The following SDK1 variants were observed in gnomAD, a reference collection of about 807,000 sequenced individuals.
SDK1 encodes the protein protein sidekick-1.
Under a neutral mutation model 245.5 loss-of-function variants are expected in SDK1, and 157 were observed. The ratio of observed to expected loss-of-function variants is 0.64; its 90% confidence interval spans 0.56 to 0.73. The LOEUF (loss-of-function observed/expected upper bound fraction) is 0.73. Ranked by LOEUF, SDK1 falls within the 30% of genes least tolerant of loss-of-function variation. The probability of loss-of-function intolerance (pLI) is 0.00; values close to 1 mark genes in which losing one functional copy is unlikely to be tolerated. For synonymous variants in SDK1, 1,647 were observed against 1,278.5 expected (o/e 1.29, Z -6.15); for missense variants, 3,583 against 3,002.3 (o/e 1.19, Z -4.52).
At chr7:3,889,536 C>G (rs1437690046) in intron 5 of SDK1, among the ~76,000 whole-genome samples, 2 of 151,762 alleles carry the variant, frequency 1.3e-5, no homozygotes. Context: ...GGGATGGTGT[C>G]TTGCTCTGCC....
At chr7:4,154,310 T>A (rs887282834) in intron 30 of SDK1, among the ~76,000 whole-genome samples, 3 of 152,232 alleles carry the variant, frequency 2.0e-5, no homozygotes, top group African/African-American at 7.2e-5. Flanking sequence ...AGAGTTCTGA[T>A]AGCAAGTTCA....
intron 1 of SDK1, among the ~76,000 whole-genome samples, chr7:3,545,196 T>C (rs770798289): frequency 2.0e-5 from 3 of 152,062 alleles, no homozygotes; most frequent in Non-Finnish European, 2.9e-5. Flanking sequence ...CTCATTTCCA[T>C]ACTGTGCCCA....
chr7:3,470,784 G>A (rs1355139223), intron 1 of SDK1, among the ~76,000 whole-genome samples: 2 of 152,076 alleles, frequency 1.3e-5, no homozygotes, highest in Non-Finnish European at 2.9e-5. Flanking sequence ...TGAGAGAATG[G>A]CTTAGGCTTA....
At chr7:3,884,993 G>A (rs1399304531) in intron 5 of SDK1, among the ~76,000 whole-genome samples, 2 of 152,170 alleles carry the variant, frequency 1.3e-5, no homozygotes, top group African/African-American at 4.8e-5. Flanking sequence ...GGAAGGTGAT[G>A]TCCTTTCACC....
At chr7:3,341,102 T>G (rs771810448) in intron 1 of SDK1, among the ~76,000 whole-genome samples, 31 of 152,202 alleles carry the variant, frequency 2.0e-4, no homozygotes, top group Non-Finnish European at 3.4e-4. Context: ...GCTCATGAAC[T>G]TAAAGGCAAT....
chr7:4,019,444 C>T lies in SDK1; in HGVS notation c.2602+2092C>T, dbSNP rs555134120. On this transcript the variant is annotated intron_variant, in intron 17 of 44. Coordinates refer to ENST00000404826, the MANE Select transcript of SDK1 (RefSeq NM_152744.4). Reference sequence around the variant, plus strand: ...AGCTAGTGGGCTGGGGTGCAGGGTTCCCCTAAGATAGTGGCACAGTGGGTG... The same window carrying T: ...AGCTAGTGGGCTGGGGTGCAGGGTTTCCCTAAGATAGTGGCACAGTGGGTG... Among the ~76,000 whole-genome samples the T allele has an allele frequency of 1.6e-3, 247 of 152,242 alleles. 1 individual carries two copies. The Middle Eastern group carries it at 0.02, about 13-fold the overall frequency.
intron 1 of SDK1, among the ~76,000 whole-genome samples, chr7:3,588,062 A>G (rs1245034193): frequency 1.3e-5 from 2 of 152,226 alleles, no homozygotes; most frequent in South Asian, 2.1e-4. Context: ...TCAGCATTTC[A>G]AGGAATCCTA....
At chr7:3,681,923 T>A (rs1213225026) in intron 4 of SDK1, among the ~76,000 whole-genome samples, 1 of 152,190 alleles carries the variant, frequency 6.6e-6, no homozygotes, top group Non-Finnish European at 1.5e-5. Context: ...GATTATACAG[T>A]CCCTATACTG....
chr7:3,958,130 G>A (rs1421298179), intron 7 of SDK1: 5 of 388,390 alleles, frequency 1.3e-5, no homozygotes, highest in South Asian at 5.8e-5. Context: ...AAGTAAACCA[G>A]CTCTGGAAGA....
intron 1 of SDK1, among the ~76,000 whole-genome samples, chr7:3,304,752 C>A (rs970476678): frequency 2.6e-5 from 4 of 152,124 alleles, no homozygotes; most frequent in Non-Finnish European, 5.9e-5. Flanking sequence ...CTTGTGTTTC[C>A]CCCTATTCCA....
intron 13 of SDK1, chr7:3,974,803 A>C: frequency 2.5e-6 from 1 of 407,378 alleles, no homozygotes; most frequent in Non-Finnish European, 4.5e-6. Context: ...CCTTTTTGTC[A>C]TATTTTTCCC....
chr7:3,566,724 A>C (rs1376878067), intron 1 of SDK1, among the ~76,000 whole-genome samples: 1 of 151,826 alleles, frequency 6.6e-6, no homozygotes, highest in Non-Finnish European at 1.5e-5. Context: ...TACTGCCAAA[A>C]AAAAAAAAAA....
intron 5 of SDK1, among the ~76,000 whole-genome samples, chr7:3,870,478 C>T (rs376795977): frequency 6.6e-6 from 1 of 152,130 alleles, no homozygotes; most frequent in African/African-American, 2.4e-5. Context: ...CTGTCTCCCA[C>T]TGCTCCTTCA....
intron 1 of SDK1, among the ~76,000 whole-genome samples, chr7:3,594,689 C>G (rs1780995944): frequency 6.6e-6 from 1 of 152,094 alleles, no homozygotes; most frequent in East Asian, 1.9e-4. Context: ...TTAATTTTCC[C>G]AGTGACTAAT....
chr7:3,453,849 C>T (rs916771202), intron 1 of SDK1, among the ~76,000 whole-genome samples: 1 of 152,122 alleles, frequency 6.6e-6, no homozygotes, highest in Admixed American at 6.5e-5. Flanking sequence ...AGTGATCCTC[C>T]TGCCTTGGCA....
At chr7:3,513,098 C>G (rs1297793245) in intron 1 of SDK1, among the ~76,000 whole-genome samples, 1 of 152,232 alleles carries the variant, frequency 6.6e-6, no homozygotes, top group East Asian at 1.9e-4. Context: ...TATGAGATTA[C>G]TTTCCAATGT....
intron 14 of SDK1, among the ~76,000 whole-genome samples, chr7:3,991,498 G>A (rs1342402143): frequency 6.6e-6 from 1 of 152,138 alleles, no homozygotes; most frequent in Non-Finnish European, 1.5e-5. Context: ...AGGGCAGGTG[G>A]GGTCCCTGTG....
intron 25 of SDK1, among the ~76,000 whole-genome samples, chr7:4,126,152 A>T (rs901623644): frequency 6.6e-6 from 1 of 152,200 alleles, no homozygotes; most frequent in African/African-American, 2.4e-5. Context: ...GTCCCAGCTG[A>T]GAGCAGCTCC....
At chr7:3,743,654 G>A (rs1323042072) in intron 4 of SDK1, among the ~76,000 whole-genome samples, 2 of 152,188 alleles carry the variant, frequency 1.3e-5, no homozygotes, top group African/African-American at 2.4e-5. Flanking sequence ...CATTTGCTAT[G>A]TGCCAGAAAC....
Sources: allele counts gnomAD v4.1 joint callset (sites outside exome capture counted in the v4.1 genomes callset), GRCh38; gene constraint gnomAD v4.1.1; transcripts MANE v1.5; gene names NCBI Gene and HGNC (gene_info 2026-07-23, HGNC 2026-07-21).